LNX1: variants seen among roughly 807,000 people sequenced by gnomAD.
LNX1 encodes the protein ligand of numb-protein X 1.
A neutral mutation model predicts 68.4 loss-of-function variants in LNX1; 54 were observed. The ratio of observed to expected loss-of-function variants is 0.79; its 90% CI spans 0.63 to 0.99. The LOEUF is 0.99. Ranked by LOEUF, LNX1 falls within the 50% of genes least tolerant of loss-of-function variation. The pLI is 0.00. For missense variants in LNX1, 906 were observed against 926.4 expected (o/e 0.98, Z 0.29); for synonymous variants, 336 against 350.0 (o/e 0.96, Z 0.45).
intron 1 of LNX1, among the ~76,000 whole-genome samples, chr4:53,631,295 C>T (rs1213034689): frequency 2.0e-5 from 3 of 152,208 alleles, no homozygotes; most frequent in Admixed American, 6.5e-5. Context: ...TCAGGTACAA[C>T]GAAACACCCT....
chr4:53,608,131 CTAA>C (rs959480852), intron 2 of LNX1, among the ~76,000 whole-genome samples: 18 of 151,722 alleles, frequency 1.2e-4, no homozygotes, highest in African/African-American at 4.4e-4. Context: ...CCTAGTTAAA[CTAA>C]TGAGCATCTA....
chr4:53,465,044 C>T (rs959926223), intron 9 of LNX1, among the ~76,000 whole-genome samples: 12 of 152,054 alleles, frequency 7.9e-5, no homozygotes, highest in Admixed American at 3.9e-4. Context: ...AAGTTACATC[C>T]TAACAATTTA....
chr4:53,571,349 T>C (rs1485477062), intron 2 of LNX1, among the ~76,000 whole-genome samples: 2 of 152,038 alleles, frequency 1.3e-5, no homozygotes, highest in Non-Finnish European at 2.9e-5. Flanking sequence ...GAAGGAGCCA[T>C]CTTGGATTAT....
chr4:53,612,963 C>T (rs370238417), intron 2 of LNX1, among the ~76,000 whole-genome samples: 1 of 151,510 alleles, frequency 6.6e-6, no homozygotes, highest in African/African-American at 2.4e-5. Flanking sequence ...GAGTAAAGCA[C>T]AATGCAGTGA....
intron 6 of LNX1, among the ~76,000 whole-genome samples, chr4:53,492,006 C>T (rs1293772584): frequency 1.3e-5 from 2 of 152,066 alleles, no homozygotes; most frequent in South Asian, 2.1e-4. Flanking sequence ...AGGCTGGTCT[C>T]GAACTCCTGA....
intron 2 of LNX1, among the ~76,000 whole-genome samples, chr4:53,564,515 C>G (rs2109748471): frequency 6.6e-6 from 1 of 152,326 alleles, no homozygotes; most frequent in African/African-American, 2.4e-5. Flanking sequence ...CACTCTTACT[C>G]CTGGGGTGGG....
At chr4:53,590,934 A>G (rs1223422124) in intron 1 of LNX1, among the ~76,000 whole-genome samples, 1 of 152,212 alleles carries the variant, frequency 6.6e-6, no homozygotes, top group East Asian at 1.9e-4. Flanking sequence ...AAAAAAAACT[A>G]GGGACACTTC....
chr4:53,593,892 G>A (rs1482790311), upstream of LNX1: 1 of 152,138 alleles, frequency 6.6e-6, no homozygotes, highest in Non-Finnish European at 1.5e-5. Context: ...CTAAGGACAA[G>A]CTCATCGGCA....
chr4:53,630,063 C>A (rs1043567471), intron 1 of LNX1, among the ~76,000 whole-genome samples: 11 of 151,870 alleles, frequency 7.2e-5, no homozygotes, highest in Admixed American at 4.6e-4. Flanking sequence ...AGTATTTTCC[C>A]ATGAAAATAG....
chr4:53,464,708 A>C (rs886167857), intron 9 of LNX1, among the ~76,000 whole-genome samples: 9 of 152,134 alleles, frequency 5.9e-5, no homozygotes, highest in African/African-American at 2.2e-4. Context: ...TAACTAAACC[A>C]TTTTCTACTA....
chr4:53,581,726 G>T (rs906829864), intron 1 of LNX1, among the ~76,000 whole-genome samples: 1 of 152,092 alleles, frequency 6.6e-6, no homozygotes, highest in South Asian at 2.1e-4. Context: ...CTCCCCTTGC[G>T]TCCCTCCCAC....
upstream of LNX1, among the ~76,000 whole-genome samples, chr4:53,622,114 T>C (rs1478962145): frequency 6.6e-6 from 1 of 152,218 alleles, no homozygotes; most frequent in Non-Finnish European, 1.5e-5. Context: ...TATGCTTCTC[T>C]TATTTCCCTA....
upstream of LNX1, among the ~76,000 whole-genome samples, chr4:53,617,997 T>C (rs1450906054): frequency 6.6e-6 from 1 of 152,192 alleles, no homozygotes; most frequent in African/African-American, 2.4e-5. Context: ...TGTTTGATTA[T>C]TTATTTTTCT....
At chr4:53,606,009 C>A (rs188410030) in intron 2 of LNX1, among the ~76,000 whole-genome samples, 398 of 152,142 alleles carry the variant, frequency 2.6e-3, no homozygotes, top group Admixed American at 4.7e-3. Flanking sequence ...CAATTCTTAT[C>A]ATTCCTTGTC....
intron 2 of LNX1, among the ~76,000 whole-genome samples, chr4:53,612,593 G>A (rs1158671681): frequency 6.6e-6 from 1 of 152,144 alleles, no homozygotes; most frequent in Non-Finnish European, 1.5e-5. Flanking sequence ...GCTGAGGCAG[G>A]AGAATTGCTT....
At chr4:53,600,610 A>G (rs139266392) in intron 2 of LNX1, among the ~76,000 whole-genome samples, 2 of 152,172 alleles carry the variant, frequency 1.3e-5, no homozygotes, top group Non-Finnish European at 2.9e-5. Flanking sequence ...CAGGGTCTCA[A>G]TATAATAATA....
intron 1 of LNX1, among the ~76,000 whole-genome samples, chr4:53,579,981 G>T (rs148150543): frequency 6.6e-6 from 1 of 152,298 alleles, no homozygotes; most frequent in East Asian, 1.9e-4. Context: ...TCCATATTAT[G>T]AAAAAGAATC....
intron 2 of LNX1, among the ~76,000 whole-genome samples, chr4:53,542,609 G>GA (rs886687348): frequency 6.6e-6 from 1 of 152,016 alleles, no homozygotes; most frequent in African/African-American, 2.4e-5. Context: ...CAAGAGGAGG[G>GA]AAAAAATAGG....
intron 4 of LNX1, among the ~76,000 whole-genome samples, chr4:53,504,257 C>T (rs913634793): frequency 6.6e-6 from 1 of 152,264 alleles, no homozygotes; most frequent in African/African-American, 2.4e-5. Flanking sequence ...TCAGCATCTG[C>T]TGCTTCGCTA....
Sources: allele counts gnomAD v4.1 joint callset (sites outside exome capture counted in the v4.1 genomes callset), GRCh38; gene constraint gnomAD v4.1.1; transcripts MANE v1.5; gene names NCBI Gene and HGNC (gene_info 2026-07-23, HGNC 2026-07-21).